KALRN: variants seen among roughly 807,000 people sequenced by gnomAD.
The protein encoded by KALRN is kalirin RhoGEF kinase.
In KALRN, 70 loss-of-function variants were observed where a neutral mutation model predicts 353.7. The ratio of observed to expected loss-of-function variants is 0.20; its 90% CI spans 0.16 to 0.24. KALRN has a LOEUF of 0.24. KALRN is among the 10% of genes least tolerant of loss of function. KALRN has a pLI of 1.00. For synonymous variants in KALRN, 1,391 were observed against 1,434.8 expected (o/e 0.97, Z 0.69); for missense variants, 2,791 against 3,756.7 (o/e 0.74, Z 6.72).
At chr3:124,618,640 G>A (rs2078924385) in intron 34 of KALRN, among the ~76,000 whole-genome samples, 1 of 152,154 alleles carries the variant, frequency 6.6e-6, no homozygotes, top group African/African-American at 2.4e-5. Context: ...GGTGCTTTAC[G>A]GAGCTCATTG....
At chr3:124,380,564 A>T (rs948095619) in intron 10 of KALRN, among the ~76,000 whole-genome samples, 1 of 152,192 alleles carries the variant, frequency 6.6e-6, no homozygotes, top group Non-Finnish European at 1.5e-5. Flanking sequence ...TCTGTTGGGA[A>T]ATGTCAATAA....
At chr3:124,299,458 C>A (rs767591365) in intron 6 of KALRN, among the ~76,000 whole-genome samples, 1 of 151,870 alleles carries the variant, frequency 6.6e-6, no homozygotes, top group African/African-American at 2.4e-5. Context: ...TTTGAAGGGG[C>A]GGCAGGATGT....
intron 5 of KALRN, among the ~76,000 whole-genome samples, chr3:124,271,446 T>C (rs1252447660): frequency 6.6e-6 from 1 of 152,190 alleles, no homozygotes; most frequent in Non-Finnish European, 1.5e-5. Flanking sequence ...GCCTGCCAAG[T>C]TCCATTCAAC....
intron 37 of KALRN, among the ~76,000 whole-genome samples, chr3:124,645,388 A>G (rs183194297): frequency 6.6e-6 from 1 of 152,296 alleles, no homozygotes; most frequent in Admixed American, 6.5e-5. Flanking sequence ...TATTTTAATC[A>G]TAGTCTTTGC....
intron 33 of KALRN, among the ~76,000 whole-genome samples, chr3:124,549,925 G>A (rs1032876819): frequency 6.6e-6 from 1 of 152,160 alleles, no homozygotes; most frequent in African/African-American, 2.4e-5. Context: ...CAGACAAGTA[G>A]TGGAAGCTGG....
rs1176928133 is a variant in KALRN at position 124,269,032 on chromosome 3, G to A, written c.746G>A (p.Arg249Gln). 5.0e-6 allele frequency: 8 copies of A among 1,613,458 alleles called. No individual in the cohort carries two copies. Among genetic ancestry groups the A allele is most frequent in the South Asian group, 1.1e-5 (1 of 91,040 alleles). Residue 249 changes from arginine to glutamine, a missense_variant, in exon 5 of 60, where the codon CGG becomes CAG. This residue lies in a region of KALRN where 366 missense variants were observed against 489.2 expected (regional missense o/e 0.75). Coordinates refer to ENST00000682506, the MANE Select transcript of KALRN (RefSeq NM_001388419.1). The part of the protein sequence containing the change: ...VLKAPVEELD[R>Q]EGQRLLQCIR... ...AAGGCCCCTGTGGAGGAGCTGGACC[G>A]GGAGGGGCAGCGGCTGCTGCAGTGC...
rs986032671 is a variant in KALRN at position 124,726,131 on chromosome 3, C to A, written c.*6661C>A. The A allele has an allele frequency of 6.6e-6, 1 of 152,068 alleles. No homozygotes were observed. The highest frequency in any genetic ancestry group is 2.4e-5 in the African/African-American group (1 of 41,396). The allele number at this position is 152,068 out of a possible 1,614,324, so 9.4% of individuals were successfully genotyped here. On this transcript the variant is annotated 3_prime_UTR_variant, in exon 60 of 60. Coordinates refer to ENST00000682506, the MANE Select transcript of KALRN (RefSeq NM_001388419.1). Reference sequence around the variant, plus strand: ...TTTCTGCTGTTGTTCATTTTGTATGCACACAATGTCGTTTTGTAAAGGTAG... The same window carrying A: ...TTTCTGCTGTTGTTCATTTTGTATGAACACAATGTCGTTTTGTAAAGGTAG...
At chr3:124,297,056 T>C (rs2149199449) in intron 5 of KALRN, among the ~76,000 whole-genome samples, 1 of 152,374 alleles carries the variant, frequency 6.6e-6, no homozygotes, top group African/African-American at 2.4e-5. Context: ...CCATGTCAAC[T>C]TTCCACATTA....
intron 33 of KALRN, among the ~76,000 whole-genome samples, chr3:124,539,582 G>C (rs1483783246): frequency 6.6e-6 from 1 of 152,168 alleles, no homozygotes; most frequent in African/African-American, 2.4e-5. Flanking sequence ...TTGCCCAGAG[G>C]TTTAGTGAGG....
At chr3:124,139,818 C>A (rs2149776725) in intron 1 of KALRN, among the ~76,000 whole-genome samples, 1 of 152,204 alleles carries the variant, frequency 6.6e-6, no homozygotes, top group Non-Finnish European at 1.5e-5. Context: ...CTTAGGTGAG[C>A]AACAAGGGGG....
chr3:124,617,454 C>G (rs2078740662), intron 34 of KALRN, among the ~76,000 whole-genome samples: 1 of 152,128 alleles, frequency 6.6e-6, no homozygotes. Flanking sequence ...ACAAATAGCA[C>G]AAAAAGGTAT....
intron 25 of KALRN, among the ~76,000 whole-genome samples, chr3:124,465,801 A>G (rs764069851): frequency 9.2e-5 from 14 of 152,164 alleles, no homozygotes; most frequent in Admixed American, 3.3e-4. Flanking sequence ...TGTAATCCAG[A>G]GAGAGCCTAT....
At chr3:124,496,215 G>A (rs980193360) in intron 32 of KALRN, 96 bp from the exon 33 acceptor site, 37 of 825,696 alleles carry the variant, frequency 4.5e-5, no homozygotes, top group African/African-American at 2.0e-4. Context: ...GTGCTGAGGC[G>A]CTGCTCTGCC....
chr3:124,671,029 G>A lies in KALRN; in HGVS notation c.6704-631G>A, dbSNP rs142307063. On this transcript the variant is annotated intron_variant, in intron 47 of 59. Coordinates refer to ENST00000682506, the MANE Select transcript of KALRN (RefSeq NM_001388419.1). ...CGCTCTCCTAGACCTTCTACCTCTC[G>A]CTTTTACCATTCTGTGGCTTCTGAA... 2.8e-3 allele frequency among the ~76,000 whole-genome samples: 419 copies of A among 152,100 alleles called. 1 individual carries two copies. Among genetic ancestry groups the A allele is most frequent in the African/African-American group, 9.3e-3 (388 of 41,512 alleles).
At chr3:124,396,445 A>G (rs1432080426) in intron 12 of KALRN, among the ~76,000 whole-genome samples, 1 of 152,206 alleles carries the variant, frequency 6.6e-6, no homozygotes, top group African/African-American at 2.4e-5. Context: ...TATCTTCATG[A>G]ATATATAATA....
At chr3:124,219,966 A>C (rs934812319) in intron 1 of KALRN, among the ~76,000 whole-genome samples, 1 of 149,148 alleles carries the variant, frequency 6.7e-6, no homozygotes, top group Non-Finnish European at 1.5e-5. Flanking sequence ...TTGTTTTGAG[A>C]TGGAGTCTCC....
chr3:124,311,064 CTTTTTTTTTTTTTTTT>C (rs71145446), intron 6 of KALRN, among the ~76,000 whole-genome samples: 6 of 67,528 alleles, frequency 8.9e-5, no homozygotes, highest in African/African-American at 3.5e-4. Context: ...GATACTACTT[CTTTTTTTTTTTTTTTT>C]TTTTTTTTTT....
intron 21 of KALRN, among the ~76,000 whole-genome samples, chr3:124,451,832 CA>C (rs1186487983): frequency 1.3e-5 from 2 of 152,158 alleles, no homozygotes; most frequent in Admixed American, 6.5e-5. Flanking sequence ...AGTGGAAGAC[CA>C]GAATCTGTAT....
At chr3:124,264,380 T>A in intron 3 of KALRN, 118 bp from the exon 4 acceptor site, 2 of 799,460 alleles carry the variant, frequency 2.5e-6, no homozygotes, top group Non-Finnish European at 4.0e-6. Flanking sequence ...AGACCTGGCA[T>A]GAAGTTGAAA....
Sources: gnomAD v4.1 joint callset for allele counts (sites outside exome capture counted in the v4.1 genomes callset) on GRCh38, gnomAD v4.1.1 for gene constraint, gnomAD v4.1.1 regional missense constraint, MANE v1.5 for transcripts, NCBI Gene and HGNC (gene_info 2026-07-23, HGNC 2026-07-21) for gene names.